CDH7: variants seen among roughly 807,000 people sequenced by gnomAD.
CDH7 encodes the protein cadherin 7.
Under a neutral mutation model 71.8 loss-of-function variants are expected in CDH7, and 25 were observed. The ratio of observed to expected loss-of-function variants is 0.35; its 90% confidence interval spans 0.25 to 0.49. CDH7 has a LOEUF of 0.49. CDH7 is among the 20% of genes least tolerant of loss of function. CDH7 has a pLI of 0.99. For synonymous variants in CDH7, 381 were observed against 363.8 expected (o/e 1.05, Z -0.54); for missense variants, 862 against 974.6 (o/e 0.88, Z 1.54).
chr18:65,871,852 G>C (rs992416963), intron 11 of CDH7, among the ~76,000 whole-genome samples: 3 of 152,082 alleles, frequency 2.0e-5, no homozygotes, highest in African/African-American at 7.2e-5. Context: ...AATAGGAGTA[G>C]TCATTTTAAA....
intron 2 of CDH7, among the ~76,000 whole-genome samples, chr18:65,780,148 GTTGT>G (rs1462158620): frequency 9.3e-6 from 1 of 107,026 alleles, no homozygotes; most frequent in Non-Finnish European, 1.8e-5. Flanking sequence ...TTTTGATGGG[GTTGT>G]TTGTTTTTTT....
At chr18:65,851,670 G>A (rs887964904) in intron 7 of CDH7, among the ~76,000 whole-genome samples, 8 of 152,288 alleles carry the variant, frequency 5.3e-5, no homozygotes, top group African/African-American at 1.9e-4. Context: ...TTATGTAGCT[G>A]TAGAAGAGAT....
chr18:65,821,022 A>G (rs1051627859), intron 4 of CDH7, among the ~76,000 whole-genome samples: 4 of 152,160 alleles, frequency 2.6e-5, no homozygotes, highest in Non-Finnish European at 5.9e-5. Context: ...ACATTTTTTC[A>G]TATAAATGAA....
At chr18:65,755,492 T>A (rs1916005570) in intron 1 of CDH7, among the ~76,000 whole-genome samples, 1 of 152,240 alleles carries the variant, frequency 6.6e-6, no homozygotes, top group African/African-American at 2.4e-5. Context: ...AATGGCATCC[T>A]CTTTATTTAT....
At chr18:65,812,720 G>A (rs1328548780) in intron 3 of CDH7, among the ~76,000 whole-genome samples, 1 of 152,110 alleles carries the variant, frequency 6.6e-6, no homozygotes, top group African/African-American at 2.4e-5. Context: ...GTGTCTATAT[G>A]TGTTAAATGA....
chr18:65,825,561 T>G lies in CDH7; in HGVS notation c.981+730T>G, dbSNP rs916576658. Among the ~76,000 whole-genome samples, 26 of 152,018 alleles carry G rather than the reference T, an allele frequency of 1.7e-4. 1 individual carries two copies. Among genetic ancestry groups the G allele is most frequent in the African/African-American group, 6.0e-4 (25 of 41,542 alleles). On this transcript the variant is annotated intron_variant, in intron 6 of 11. Transcript: ENST00000397968. ...ACTCAAAAGCTATTATTTCAAAACA[T>G]AGTCTTAGTTTATCAACTATTTGAA...
At chr18:65,796,575 C>T (rs1452411755) in intron 2 of CDH7, among the ~76,000 whole-genome samples, 1 of 152,050 alleles carries the variant, frequency 6.6e-6, no homozygotes, top group Non-Finnish European at 1.5e-5. Context: ...TACAGAGTTT[C>T]GGGAATAGAA....
At chr18:65,839,919 G>T (rs1399141038) in intron 6 of CDH7, among the ~76,000 whole-genome samples, 1 of 152,138 alleles carries the variant, frequency 6.6e-6, no homozygotes, top group African/African-American at 2.4e-5. Flanking sequence ...CCTGGCCCTT[G>T]AGGTAAAGAT....
At chr18:65,802,722 G>A (rs934509207) in intron 2 of CDH7, among the ~76,000 whole-genome samples, 2 of 152,132 alleles carry the variant, frequency 1.3e-5, no homozygotes, top group African/African-American at 4.8e-5. Flanking sequence ...TTAAGAATTC[G>A]ACTGTAGGCA....
At chr18:65,786,112 A>G (rs1332495650) in intron 2 of CDH7, among the ~76,000 whole-genome samples, 1 of 152,170 alleles carries the variant, frequency 6.6e-6, no homozygotes, top group East Asian at 1.9e-4. Flanking sequence ...TGAATGGATA[A>G]CAATGAAATT....
In CDH7 at chr18:65,887,753, A is replaced by C. The variant is rs909267164; in HGVS notation, c.*6859A>C. ...GATCCAACCTCTACAATTAAATTAT[A>C]TGAGCATACTGAGGGAGAATTGCAC... On this transcript the variant is annotated 3_prime_UTR_variant, in exon 12 of 12. Coordinates refer to ENST00000397968, the MANE Select transcript of CDH7 (RefSeq NM_004361.5). 3 of 152,148 alleles carry C rather than the reference A, an allele frequency of 2.0e-5. No individual in the cohort carries two copies. The highest frequency in any genetic ancestry group is 4.4e-5 in the Non-Finnish European group (3 of 68,024). The allele number at this position is 152,148 out of a possible 1,614,324, so 9.4% of individuals were successfully genotyped here.
intron 1 of CDH7, among the ~76,000 whole-genome samples, chr18:65,761,377 G>A (rs575885501): frequency 4.0e-5 from 6 of 151,488 alleles, no homozygotes; most frequent in Admixed American, 6.6e-5. Context: ...TAAGAAATTT[G>A]ACTATCAAAA....
chr18:65,826,007 C>G (rs1489781969), intron 6 of CDH7, among the ~76,000 whole-genome samples: 1 of 151,518 alleles, frequency 6.6e-6, no homozygotes, highest in East Asian at 1.9e-4. Context: ...GAACAAATAC[C>G]TATATTTTAT....
At chr18:65,792,640 C>A (rs1910755284) in intron 2 of CDH7, among the ~76,000 whole-genome samples, 1 of 151,776 alleles carries the variant, frequency 6.6e-6, no homozygotes, top group African/African-American at 2.4e-5. Context: ...GAGTTGCATT[C>A]TAATGTTGTA....
Position 65,842,680 on chromosome 18 carries a change from C to T in CDH7, c.982-1132C>T, listed in dbSNP as rs188809280. On this transcript the variant is annotated intron_variant, in intron 6 of 11. Coordinates refer to ENST00000397968, the MANE Select transcript of CDH7 (RefSeq NM_004361.5). ...TTATTACCTCCTTTGTGGGATAAGT[C>T]GGAATAAATGCGTGCCTGCATACAT... Among the ~76,000 whole-genome samples, 533 of 151,846 alleles carry T rather than the reference C, an allele frequency of 3.5e-3. 3 individuals are homozygous for T. The highest frequency in any genetic ancestry group is 0.012 in the African/African-American group (500 of 41,428).
chr18:65,757,791 A>T (rs191216226), intron 1 of CDH7, among the ~76,000 whole-genome samples: 5,144 of 145,714 alleles, frequency 0.035, 165 homozygotes, highest in African/African-American at 0.089. Context: ...ATATATATAT[A>T]TTTTTTTTTT....
At position 65,888,340 on chromosome 18, in the gene CDH7, A is replaced by G. The variant is rs947491221; in HGVS notation, c.*7446A>G. ...TGTGTGTTTTGCTGTATTTTTAAAA[A>G]ATAAGAAAAAATTATCACAGAGTAA... is the stretch of plus-strand genomic sequence containing the variant. On this transcript the variant is annotated 3_prime_UTR_variant, in exon 12 of 12. Transcript: ENST00000397968. 1.3e-5 allele frequency: 2 copies of G among 152,308 alleles called. No individual in the cohort carries two copies. The highest frequency in any genetic ancestry group is 2.9e-5 in the Non-Finnish European group (2 of 68,024). 9.4% of individuals were successfully genotyped at this position (152,308 alleles called of 1,614,324 possible). A position where few individuals can be genotyped will look rare whatever the true frequency, so the allele number is the denominator to read the frequency against.
At chr18:65,828,226 CAAAT>C (rs1912202379) in intron 6 of CDH7, among the ~76,000 whole-genome samples, 3 of 151,978 alleles carry the variant, frequency 2.0e-5, no homozygotes, top group Admixed American at 2.0e-4. Context: ...CAAACATAAA[CAAAT>C]AATTTATGTA....
chr18:65,845,051 C>T (rs1458178201), intron 7 of CDH7, among the ~76,000 whole-genome samples: 1 of 151,780 alleles, frequency 6.6e-6, no homozygotes, highest in African/African-American at 2.4e-5. Flanking sequence ...GACGTTGGCT[C>T]TAAATTGTCA....
Sources: gnomAD v4.1 joint callset for allele counts (sites outside exome capture counted in the v4.1 genomes callset) on GRCh38, gnomAD v4.1.1 for gene constraint, MANE v1.5 for transcripts, NCBI Gene and HGNC (gene_info 2026-07-23, HGNC 2026-07-21) for gene names.